Variants in KCND2 observed in about 807,000 individuals in gnomAD.
KCND2 encodes potassium voltage-gated channel subfamily D member 2.
In KCND2, 16 loss-of-function variants were observed where a neutral mutation model predicts 54.4. That is an observed-to-expected ratio of 0.29 (90% CI 0.20 to 0.45). The LOEUF is 0.45. KCND2 is among the 20% of genes least tolerant of loss of function. KCND2 has a pLI of 1.00. For synonymous variants in KCND2, 317 were observed against 310.7 expected (o/e 1.02, Z -0.21); for missense variants, 486 against 824.2 (o/e 0.59, Z 5.02).
chr7:120,353,229 T>A (rs1230075561), intron 1 of KCND2, among the ~76,000 whole-genome samples: 3 of 146,570 alleles, frequency 2.0e-5, no homozygotes, highest in African/African-American at 7.5e-5. Flanking sequence ...AAAGTGGGAA[T>A]TGAGACCCTG....
intron 1 of KCND2, among the ~76,000 whole-genome samples, chr7:120,390,412 A>T (rs1028043275): frequency 5.3e-5 from 8 of 151,956 alleles, no homozygotes; most frequent in African/African-American, 1.4e-4. Context: ...TATGGTCAGC[A>T]CTTACATATG....
At chr7:120,398,324 G>A (rs1250289149) in intron 1 of KCND2, among the ~76,000 whole-genome samples, 1 of 151,798 alleles carries the variant, frequency 6.6e-6, no homozygotes, top group Non-Finnish European at 1.5e-5. Context: ...TCTCTTCTAT[G>A]ATCATTAATT....
intron 1 of KCND2, among the ~76,000 whole-genome samples, chr7:120,728,248 C>G (rs1441781348): frequency 6.7e-6 from 1 of 149,472 alleles, no homozygotes; most frequent in Non-Finnish European, 1.5e-5. Context: ...GATAGTTATT[C>G]TCTCATGATA....
intron 1 of KCND2, among the ~76,000 whole-genome samples, chr7:120,626,017 C>G (rs1389538873): frequency 6.6e-6 from 1 of 152,026 alleles, no homozygotes; most frequent in Non-Finnish European, 1.5e-5. Flanking sequence ...ACAATCCAAA[C>G]AAGAACCCAT....
At chr7:120,651,556 G>T (rs1465980034) in intron 1 of KCND2, among the ~76,000 whole-genome samples, 1 of 152,148 alleles carries the variant, frequency 6.6e-6, no homozygotes, top group Non-Finnish European at 1.5e-5. Context: ...CTGACATCTT[G>T]CACTTCCCGT....
intron 1 of KCND2, among the ~76,000 whole-genome samples, chr7:120,575,515 C>G (rs1792420587): frequency 6.6e-6 from 1 of 152,188 alleles, no homozygotes. Flanking sequence ...AGTCCACTGA[C>G]TCAAATGTTA....
At chr7:120,742,477 T>C in intron 3 of KCND2, 33 bp from the exon 4 acceptor site, 1 of 1,558,822 alleles carries the variant, frequency 6.4e-7, no homozygotes, top group East Asian at 2.2e-5. Flanking sequence ...GCAAATAAAA[T>C]AGAAAGCTCT....
Position 120,282,981 on chromosome 7 carries a change from A to G in KCND2, c.1115+7234A>G, listed in dbSNP as rs780741880. On this transcript the variant is annotated intron_variant, in intron 1 of 5. Coordinates refer to ENST00000331113, the MANE Select transcript of KCND2 (RefSeq NM_012281.3). ...AAATGTAAATATATGATATAATGCC[A>G]CGTAGAGATGAGTGCTATGAACAAA... Among the ~76,000 whole-genome samples the G allele has an allele frequency of 3.3e-4, 50 of 152,330 alleles. 2 individuals are homozygous for G. The Middle Eastern group carries it at 0.01, about 31-fold the overall frequency.
At chr7:120,630,013 A>G (rs931462142) in intron 1 of KCND2, among the ~76,000 whole-genome samples, 12 of 152,140 alleles carry the variant, frequency 7.9e-5, no homozygotes, top group African/African-American at 2.2e-4. Flanking sequence ...CGGGGAGTCA[A>G]TGGTGTAGAT....
At chr7:120,309,466 T>C (rs967052209) in intron 1 of KCND2, among the ~76,000 whole-genome samples, 13 of 119,936 alleles carry the variant, frequency 1.1e-4, no homozygotes, top group African/African-American at 1.3e-4. Context: ...TATATATATA[T>C]ATATATATAC....
At position 120,457,157 on chromosome 7, in the gene KCND2, G is replaced by C. The variant is rs560229871; in HGVS notation, c.1115+181410G>C. ...TTAGGGGATCCCCGGGCCTGGCCCA[G>C]GGAACCTTTTTTTCCTCCTAGGCCT... On this transcript the variant is annotated intron_variant, in intron 1 of 5. Transcript: ENST00000331113. 2.0e-5 allele frequency among the ~76,000 whole-genome samples: 3 copies of C among 152,256 alleles called. No homozygotes were observed. In the South Asian group the frequency reaches 6.2e-4, roughly 32 times the overall value.
At chr7:120,744,995 A>G (rs1438533362) in intron 4 of KCND2, among the ~76,000 whole-genome samples, 1 of 152,170 alleles carries the variant, frequency 6.6e-6, no homozygotes, top group Non-Finnish European at 1.5e-5. Flanking sequence ...GATATGCGAA[A>G]TGATGCCTAT....
At chr7:120,677,968 G>A (rs1014714445) in intron 1 of KCND2, among the ~76,000 whole-genome samples, 2 of 151,940 alleles carry the variant, frequency 1.3e-5, no homozygotes, top group Non-Finnish European at 1.5e-5. Flanking sequence ...TTTAATCAAT[G>A]TTGCATCTAT....
At chr7:120,621,984 TG>T (rs1464461595) in intron 1 of KCND2, among the ~76,000 whole-genome samples, 5 of 151,954 alleles carry the variant, frequency 3.3e-5, no homozygotes, top group African/African-American at 9.7e-5. Flanking sequence ...GTTGTTGTTT[TG>T]GTTTTTTTTT....
rs1397383978 is a variant in KCND2, at chr7:120,309,478, C to CATATATATATATATATATATATAT, written c.1115+33732_1115+33733insTATATATATATATATATATATATA. 3.4e-4 allele frequency among the ~76,000 whole-genome samples: 28 copies of CATATATATATATATATATATATAT among 82,602 alleles called. 2 individuals carry two copies. The East Asian group carries it at 0.016, about 47-fold the overall frequency. 54.2% of individuals were successfully genotyped at this position (82,602 alleles called of 152,430 possible). On this transcript the variant is annotated intron_variant, in intron 1 of 5. Transcript: ENST00000331113. ...ATATATATATATATATATATATACA[C>CATATATATATATATATATATATAT]ACACACACACACACACACACACACA...
At chr7:120,470,432 T>C (rs1802437451) in intron 1 of KCND2, among the ~76,000 whole-genome samples, 1 of 152,098 alleles carries the variant, frequency 6.6e-6, no homozygotes, top group Non-Finnish European at 1.5e-5. Context: ...CTCATCTAGG[T>C]GAGCTAGTAT....
At chr7:120,588,572 CT>C (rs534362990) in intron 1 of KCND2, among the ~76,000 whole-genome samples, 63 of 152,200 alleles carry the variant, frequency 4.1e-4, no homozygotes, top group African/African-American at 1.5e-3. Context: ...ACTATTCACC[CT>C]GCTGTTTACT....
chr7:120,343,307 A>T (rs1800268832), intron 1 of KCND2, among the ~76,000 whole-genome samples: 1 of 152,084 alleles, frequency 6.6e-6, no homozygotes, highest in African/African-American at 2.4e-5. Context: ...GCATTACTAG[A>T]TGTTAAATCA....
At chr7:120,354,167 C>A (rs1356402089) in intron 1 of KCND2, among the ~76,000 whole-genome samples, 1 of 152,028 alleles carries the variant, frequency 6.6e-6, no homozygotes, top group Non-Finnish European at 1.5e-5. Flanking sequence ...ACTGACATGT[C>A]AACTATGGTT....
Sources: allele counts gnomAD v4.1 joint callset (sites outside exome capture counted in the v4.1 genomes callset), GRCh38; gene constraint gnomAD v4.1.1; transcripts MANE v1.5; gene names NCBI Gene and HGNC (gene_info 2026-07-23, HGNC 2026-07-21).